RGPD4: variants seen among roughly 807,000 people sequenced by gnomAD.
The protein encoded by RGPD4 is RANBP2 like and GRIP domain containing 4.
RGPD4 carries 84 observed loss-of-function variants against 141.1 expected under a neutral mutation model. The observed-to-expected ratio is 0.60, with a 90% confidence interval of 0.50 to 0.71. The LOEUF is 0.71. RGPD4 is among the 30% of genes least tolerant of loss of function. The probability of loss-of-function intolerance (pLI) is 0.00; values close to 1 mark genes in which losing one functional copy is unlikely to be tolerated. For missense variants in RGPD4, 918 were observed against 1,622.4 expected (o/e 0.57, Z 7.46); for synonymous variants, 298 against 566.8 (o/e 0.53, Z 6.74).
chr2:107,891,014 C>A lies in RGPD4; in HGVS notation c.*283C>A, dbSNP rs1164936230. Among the ~76,000 whole-genome samples the A allele has an allele frequency of 6.7e-6, 1 of 149,896 alleles. No homozygotes were observed. The highest frequency in any genetic ancestry group is 1.5e-5 in the Non-Finnish European group (1 of 67,806). On this transcript the variant is annotated 3_prime_UTR_variant, in exon 23 of 23. Transcript: ENST00000408999. ...ACAGCCCTCTAACTCATGTGATCTCCCATGCATGCTGCCAGAATAAAACCA... is the reference window on the plus strand; with the variant it reads ...ACAGCCCTCTAACTCATGTGATCTCACATGCATGCTGCCAGAATAAAACCA...
rs74200316 is a variant in RGPD4 at position 107,829,320 on chromosome 2, T to C, written c.72+2235T>C. ...ATGGCTCAGGCGTCATGGCTCCCGA[T>C]GGGCGCTGCTCCCTGGCGCGCTCTG... On this transcript the variant is annotated intron_variant, in intron 1 of 22. Transcript: ENST00000408999. 1.8e-3 allele frequency among the ~76,000 whole-genome samples: 42 copies of C among 23,158 alleles called. 1 individual carries two copies. The highest frequency in any genetic ancestry group is 5.7e-3 in the East Asian group (8 of 1,402). 15.2% of individuals were successfully genotyped at this position (23,158 alleles called of 152,430 possible). A position where few individuals can be genotyped will look rare whatever the true frequency, so the allele number is the denominator to read the frequency against.
chr2:107,830,368 A>G (rs1308365081), intron 1 of RGPD4, among the ~76,000 whole-genome samples: 1 of 149,910 alleles, frequency 6.7e-6, no homozygotes, highest in East Asian at 2.0e-4. Flanking sequence ...AAGCATGTTT[A>G]GAGCCTTTCT....
Position 107,862,983 on chromosome 2 carries a change from A to G in RGPD4, c.2420A>G (p.Asp807Gly), listed in dbSNP as rs199738341. The G allele has an allele frequency of 2.2e-3, 3,497 of 1,582,470 alleles. 13 individuals are homozygous for G. Among genetic ancestry groups the G allele is most frequent in the Non-Finnish European group, 2.6e-3 (3,031 of 1,168,826 alleles). Residue 807 changes from aspartate to glycine, a missense_variant, in exon 17 of 23, where the codon GAT (aspartate) becomes GGT (glycine). By Grantham distance (94) the Asp-to-Gly change is moderately conservative (BLOSUM62 -1). Coordinates refer to ENST00000408999, the MANE Select transcript of RGPD4 (RefSeq NM_182588.3). ...AAAACACCACCTCGATGGGCAGAAGATCAGAATTCTTTACTGAAAATGATT... is the reference window on the plus strand; with the variant it reads ...AAAACACCACCTCGATGGGCAGAAGGTCAGAATTCTTTACTGAAAATGATT... ...SPKTPPRWAE[D>G]QNSLLKMIRQ...
rs1470735146 is a variant in RGPD4, at chr2:107,836,370, C to T, written c.73-232C>T. ...TCAGGTGATCCACCCACTTCGGCCT[C>T]CCAAAGTGCTGGGATTACAGGCATG... On this transcript the variant is annotated intron_variant, in intron 1 of 22. Coordinates refer to ENST00000408999, the MANE Select transcript of RGPD4 (RefSeq NM_182588.3). 1.3e-4 allele frequency among the ~76,000 whole-genome samples: 13 copies of T among 97,658 alleles called. 2 individuals are homozygous for T. The highest frequency in any genetic ancestry group is 5.4e-4 in the African/African-American group (13 of 24,078). 64.1% of individuals were successfully genotyped at this position (97,658 alleles called of 152,430 possible). A position where few individuals can be genotyped will look rare whatever the true frequency, so the allele number is the denominator to read the frequency against.
At chr2:107,844,841 T>G (rs1223045595) in intron 6 of RGPD4, among the ~76,000 whole-genome samples, 1 of 98,928 alleles carries the variant, frequency 1.0e-5, no homozygotes, top group African/African-American at 3.9e-5. Context: ...TTTTTTTTTT[T>G]TTTTTTTTTT....
intron 1 of RGPD4, among the ~76,000 whole-genome samples, 181 bp downstream of exon 1, chr2:107,827,266 G>A (rs1681237695): frequency 7.3e-6 from 1 of 136,790 alleles, no homozygotes; most frequent in Admixed American, 7.0e-5. Flanking sequence ...TGGCTCAGGC[G>A]TCATGGCTCC....
intron 9 of RGPD4, among the ~76,000 whole-genome samples, chr2:107,857,339 A>G (rs1455064942): frequency 6.6e-6 from 1 of 151,026 alleles, no homozygotes; most frequent in African/African-American, 2.5e-5. Flanking sequence ...GGGTTTCATC[A>G]TGTTGGTCAG....
intron 18 of RGPD4, among the ~76,000 whole-genome samples, chr2:107,867,282 CTCT>C (rs1682761299): frequency 6.6e-6 from 1 of 151,936 alleles, no homozygotes. Context: ...TTTTCTCTCT[CTCT>C]TTTTAGCCCA....
chr2:107,873,234 A>G (rs909716590), intron 20 of RGPD4, among the ~76,000 whole-genome samples: 1 of 71,432 alleles, frequency 1.4e-5, no homozygotes, highest in South Asian at 5.5e-4. Flanking sequence ...GTCTTTTTTT[A>G]AAGTGTTCAT....
intron 7 of RGPD4, among the ~76,000 whole-genome samples, chr2:107,849,467 C>T (rs1469051752): frequency 4.7e-5 from 6 of 128,252 alleles, no homozygotes; most frequent in South Asian, 2.7e-4. Flanking sequence ...CCCGAGTTCA[C>T]GCCATTTTCC....
At chr2:107,877,810 T>A (rs1329113424) in intron 20 of RGPD4, among the ~76,000 whole-genome samples, 2 of 151,806 alleles carry the variant, frequency 1.3e-5, no homozygotes, top group African/African-American at 2.4e-5. Context: ...GACTAAGGTT[T>A]TTTTTGTTTG....
At chr2:107,855,965 C>A (rs1682293418) in intron 8 of RGPD4, among the ~76,000 whole-genome samples, 1 of 97,234 alleles carries the variant, frequency 1.0e-5, no homozygotes, top group Non-Finnish European at 1.9e-5. Context: ...TAGCATGTAT[C>A]AGTACTTTAT....
rs1228448369 is a variant in RGPD4 at position 107,859,824 on chromosome 2, G to C, written c.1737G>C (p.Trp579Cys). 6 of 1,600,168 alleles carry C rather than the reference G, an allele frequency of 3.7e-6. No homozygotes were observed. The highest frequency in any genetic ancestry group is 2.3e-5 in the South Asian group (2 of 88,210). The stretch of plus-strand genomic sequence containing the variant: ...TTCAACCTGCTCTGCTTGTACATTG[G>C]GCAAAATGCCTTCAGAAAATGGTGA... ...HGLQPALLVH[W>C]AKCLQKMGSG... Residue 579 changes from tryptophan to cysteine, a missense_variant, in exon 12 of 23, where the codon TGG becomes TGC. By Grantham distance (215) the Trp-to-Cys change is radical. Transcript: ENST00000408999.
chr2:107,845,497 G>A (rs1681892885), intron 6 of RGPD4, among the ~76,000 whole-genome samples: 2 of 149,982 alleles, frequency 1.3e-5, no homozygotes. Flanking sequence ...ACCATGAGGG[G>A]TTACTTGGGG....
At chr2:107,857,851 G>A (rs1035799725) in intron 9 of RGPD4, among the ~76,000 whole-genome samples, 1 of 151,690 alleles carries the variant, frequency 6.6e-6, no homozygotes, top group Non-Finnish European at 1.5e-5. Context: ...AATTATCCGG[G>A]GGTGGTGGCA....
chr2:107,827,162 TCGA>T, intron 1 of RGPD4, 77 bp downstream of exon 1: 1 of 521,986 alleles, frequency 1.9e-6, no homozygotes, highest in South Asian at 5.0e-5. Context: ...GGCGGCGGCC[TCGA>T]TGGCTCAGGC....
At chr2:107,875,523 C>T (rs1020158881) in intron 20 of RGPD4, among the ~76,000 whole-genome samples, 1 of 142,488 alleles carries the variant, frequency 7.0e-6, no homozygotes. Flanking sequence ...TGCTTCATGA[C>T]TGGCTTACTT....
chr2:107,889,092 A>C (rs1424437427), intron 22 of RGPD4, among the ~76,000 whole-genome samples: 1 of 150,412 alleles, frequency 6.6e-6, no homozygotes, highest in Admixed American at 6.6e-5. Context: ...TGAAAATGCT[A>C]CTCTGCGTAA....
chr2:107,879,925 A>T (rs766125788), intron 20 of RGPD4, 43 bp from the exon 21 acceptor site: 34 of 1,608,774 alleles, frequency 2.1e-5, no homozygotes, highest in Non-Finnish European at 2.6e-5. Flanking sequence ...TTCATCTGTA[A>T]TGTATGATTT....
Sources: allele counts gnomAD v4.1 joint callset (sites outside exome capture counted in the v4.1 genomes callset), GRCh38; gene constraint gnomAD v4.1.1; transcripts MANE v1.5; gene names NCBI Gene and HGNC (gene_info 2026-07-23, HGNC 2026-07-21).